The following PCSK6 variants were observed in gnomAD, a reference collection of about 807,000 sequenced individuals.
PCSK6 encodes the protein proprotein convertase subtilisin/kexin type 6, also known as paired basic amino acid cleaving enzyme 4.
Under a neutral mutation model 123.3 loss-of-function variants are expected in PCSK6, and 85 were observed. That is an observed-to-expected ratio of 0.69 (90% CI 0.58 to 0.83). The LOEUF (loss-of-function observed/expected upper bound fraction) is 0.83. PCSK6 is among the 40% of genes least tolerant of loss of function. The pLI, the probability that PCSK6 is intolerant of heterozygous loss-of-function variation, is 0.00. For missense variants in PCSK6, 1,191 were observed against 1,282.3 expected (o/e 0.93, Z 1.09); for synonymous variants, 508 against 516.0 (o/e 0.98, Z 0.21).
chr15:101,321,229 C>T (rs1278072149), intron 18 of PCSK6, among the ~76,000 whole-genome samples: 1 of 152,226 alleles, frequency 6.6e-6, no homozygotes, highest in Admixed American at 6.5e-5. Flanking sequence ...TGGGGGATCC[C>T]TTTCCTGGGC....
intron 17 of PCSK6, 109 bp from the exon 18 acceptor site, chr15:101,322,716 CCCCGAGTCCA>C: frequency 1.4e-6 from 1 of 698,432 alleles, no homozygotes; most frequent in East Asian, 2.7e-5. Flanking sequence ...GTGGGCTGTT[CCCCGAGTCCA>C]CCTCCGGAAT....
chr15:101,335,564 A>G (rs772479978), intron 13 of PCSK6, among the ~76,000 whole-genome samples: 9 of 152,222 alleles, frequency 5.9e-5, no homozygotes, highest in Non-Finnish European at 1.0e-4. Flanking sequence ...GCAAATATGA[A>G]CATATGTTTC....
At chr15:101,489,293 A>C in intron 1 of PCSK6, 81 bp downstream of exon 1, 1 of 889,216 alleles carries the variant, frequency 1.1e-6, no homozygotes, top group Non-Finnish European at 1.4e-6. Flanking sequence ...GGCCGGGCGG[A>C]CAGGACTGCG....
intron 2 of PCSK6, among the ~76,000 whole-genome samples, chr15:101,441,623 C>T (rs1000951147): frequency 4.6e-5 from 7 of 152,198 alleles, no homozygotes; most frequent in African/African-American, 7.2e-5. Flanking sequence ...TCTCCTATTT[C>T]GACTCTGCCT....
At chr15:101,420,118 G>A (rs1244043229) in intron 6 of PCSK6, among the ~76,000 whole-genome samples, 1 of 150,620 alleles carries the variant, frequency 6.6e-6, no homozygotes, top group Non-Finnish European at 1.5e-5. Context: ...TTGAACCCAG[G>A]AGGTGGAGGT....
intron 20 of PCSK6, among the ~76,000 whole-genome samples, chr15:101,310,923 C>T (rs1328943234): frequency 6.6e-6 from 1 of 152,140 alleles, no homozygotes; most frequent in Non-Finnish European, 1.5e-5. Context: ...CGGAAGCCCC[C>T]CGATATGGTT....
intron 6 of PCSK6, among the ~76,000 whole-genome samples, chr15:101,402,353 G>A (rs1349777423): frequency 6.7e-6 from 1 of 149,760 alleles, no homozygotes; most frequent in East Asian, 1.9e-4. Context: ...TCAGGACATA[G>A]GCATGGGCAA....
intron 13 of PCSK6, among the ~76,000 whole-genome samples, chr15:101,352,137 ATTTTTTTT>A (rs56844456): frequency 4.1e-5 from 4 of 97,012 alleles, no homozygotes; most frequent in African/African-American, 1.7e-4. Context: ...TATTTTTCTA[ATTTTTTTT>A]TTTTTTTTTT....
chr15:101,309,295 TCC>T (rs2039798394), intron 20 of PCSK6, among the ~76,000 whole-genome samples: 1 of 152,182 alleles, frequency 6.6e-6, no homozygotes, highest in Admixed American at 6.5e-5. Context: ...GATGCTCCCG[TCC>T]CCGTTAGGCC....
intron 13 of PCSK6, among the ~76,000 whole-genome samples, chr15:101,354,197 A>G (rs1448775429): frequency 2.0e-5 from 3 of 152,238 alleles, no homozygotes; most frequent in Non-Finnish European, 4.4e-5. Context: ...CCACATGCAC[A>G]CACACACAGA....
chr15:101,430,524 G>A (rs1042871980), intron 4 of PCSK6, among the ~76,000 whole-genome samples: 16 of 152,216 alleles, frequency 1.1e-4, no homozygotes, highest in African/African-American at 3.6e-4. Flanking sequence ...ACGTTTCCAC[G>A]TGGGTCAGGA....
intron 5 of PCSK6, among the ~76,000 whole-genome samples, chr15:101,428,404 G>C (rs978358579): frequency 6.6e-6 from 1 of 152,166 alleles, no homozygotes; most frequent in Non-Finnish European, 1.5e-5. Context: ...CTGCCTGGCA[G>C]GATGAAAGAA....
At chr15:101,347,722 A>G in intron 13 of PCSK6, 1 of 1,613,746 alleles carries the variant, frequency 6.2e-7, no homozygotes, top group Non-Finnish European at 8.5e-7. Context: ...TTTCACAGAG[A>G]TTACCAAAGC....
rs183342301 is a variant in PCSK6 at position 101,304,854 on chromosome 15, C to T, written c.*404G>A. The T allele has an allele frequency of 1.9e-4, 33 of 174,452 alleles. No individual in the cohort carries two copies. In the East Asian group the frequency reaches 4.2e-3, roughly 22 times the overall value. 10.8% of individuals were successfully genotyped at this position (174,452 alleles called of 1,614,324 possible). On this transcript the variant is annotated 3_prime_UTR_variant, in exon 22 of 22. Coordinates refer to ENST00000611716, the MANE Select transcript of PCSK6 (RefSeq NM_002570.5). The stretch of plus-strand genomic sequence containing the variant: ...ATGGCCCAGGGTTCGCCAGCTGGGC[C>T]GGGGAGATTTACTACACAGCCGCAG...
chr15:101,481,922 A>T (rs1253677988), intron 1 of PCSK6, among the ~76,000 whole-genome samples: 1 of 152,144 alleles, frequency 6.6e-6, no homozygotes, highest in Non-Finnish European at 1.5e-5. Flanking sequence ...TCCAATGCTG[A>T]TGAGCAGGAG....
At chr15:101,412,183 G>A (rs1413578029) in intron 6 of PCSK6, among the ~76,000 whole-genome samples, 2 of 152,214 alleles carry the variant, frequency 1.3e-5, no homozygotes, top group Admixed American at 1.3e-4. Flanking sequence ...TGCAGCAACA[G>A]GGCCAGAGAA....
intron 13 of PCSK6, among the ~76,000 whole-genome samples, chr15:101,363,396 C>T (rs575726809): frequency 6.6e-6 from 1 of 152,206 alleles, no homozygotes; most frequent in African/African-American, 2.4e-5. Context: ...GCATACAGCA[C>T]CAGCCTCCCA....
At chr15:101,404,181 C>T (rs1280986661) in intron 6 of PCSK6, among the ~76,000 whole-genome samples, 1 of 152,160 alleles carries the variant, frequency 6.6e-6, no homozygotes, top group Non-Finnish European at 1.5e-5. Context: ...AGAGCAAGAG[C>T]TCACCTCCCT....
chr15:101,471,694 G>A (rs893396123), intron 1 of PCSK6, among the ~76,000 whole-genome samples: 1 of 152,196 alleles, frequency 6.6e-6, no homozygotes, highest in Admixed American at 6.5e-5. Flanking sequence ...CATTTGTTGA[G>A]TTTGGATAAA....
Sources: gnomAD v4.1 joint callset for allele counts (sites outside exome capture counted in the v4.1 genomes callset) on GRCh38, gnomAD v4.1.1 for gene constraint, MANE v1.5 for transcripts, NCBI Gene and HGNC (gene_info 2026-07-23, HGNC 2026-07-21) for gene names.